Variants in RGS12 observed in about 807,000 individuals in gnomAD.
RGS12 encodes the protein regulator of G-protein signaling 12.
Under a neutral mutation model 120.1 loss-of-function variants are expected in RGS12, and 66 were observed. The observed-to-expected ratio is 0.55, with a 90% CI of 0.45 to 0.67. RGS12 has a LOEUF of 0.67. Among genes scored for constraint, RGS12 ranks in the 30% least tolerant of loss-of-function variants. RGS12 has a pLI of 0.00. For missense variants in RGS12, 1,859 were observed against 1,957.7 expected, an observed-to-expected ratio of 0.95 and a Z score of 0.95; for synonymous variants, 827 against 804.7, an observed-to-expected ratio of 1.03 and a Z score of -0.47.
intron 2 of RGS12, among the ~76,000 whole-genome samples, chr4:3,327,147 T>C (rs1175951399): frequency 1.3e-5 from 2 of 152,192 alleles, no homozygotes; most frequent in African/African-American, 4.8e-5. Flanking sequence ...GCCACATATT[T>C]ACAGCCAAGT....
At chr4:3,438,023 A>G (rs546585668) in intron 17 of RGS12, among the ~76,000 whole-genome samples, 1 of 152,208 alleles carries the variant, frequency 6.6e-6, no homozygotes, top group Non-Finnish European at 1.5e-5. Flanking sequence ...CATTTCAGGG[A>G]CCTCAGAACT....
At position 3,360,284 on chromosome 4, in the gene RGS12, G is replaced by C. The variant is rs1715433722; in HGVS notation, c.1998+17231G>C. On this transcript the variant is annotated intron_variant, in intron 3 of 17. Transcript: ENST00000336727. ...CCTTAGTTCATTGAGCAAAGGATTT[G>C]TCAATTTTGTTGATCCTTTCAAAGA... Among the ~76,000 whole-genome samples the C allele has an allele frequency of 3.3e-5, 5 of 152,138 alleles. No individual in the cohort carries two copies. In the South Asian group the frequency reaches 1.0e-3, roughly 32 times the overall value.
chr4:3,362,808 A>T (rs1265491934), intron 3 of RGS12, among the ~76,000 whole-genome samples: 1 of 130,608 alleles, frequency 7.7e-6, no homozygotes, highest in Non-Finnish European at 1.6e-5. Context: ...TGAATATGAG[A>T]GTGAGGGTGT....
chr4:3,343,196 G>T (rs1249034073), intron 3 of RGS12, 143 bp downstream of exon 3: 3 of 616,638 alleles, frequency 4.9e-6, no homozygotes, highest in South Asian at 3.9e-5. Context: ...TTTTCTGGGG[G>T]ACAGCGTCCC....
chr4:3,376,380 T>C lies in RGS12; in HGVS notation c.1999-10036T>C, dbSNP rs137928483. ...GTGGTGGCTGCTCTGCCAGGCGAGGTTGCACGTGGGAGCTGGGCTGCAGTG... is the reference window on the plus strand; with the variant it reads ...GTGGTGGCTGCTCTGCCAGGCGAGGCTGCACGTGGGAGCTGGGCTGCAGTG... On this transcript the variant is annotated intron_variant, in intron 3 of 17. Coordinates refer to ENST00000336727, the MANE Select transcript of RGS12 (RefSeq NM_001394154.1). 3.7e-3 allele frequency among the ~76,000 whole-genome samples: 558 copies of C among 151,760 alleles called. 5 individuals are homozygous for C. The highest frequency in any genetic ancestry group is 0.013 in the African/African-American group (545 of 41,320).
chr4:3,319,879 G>C (rs115776583), intron 2 of RGS12, among the ~76,000 whole-genome samples: 3 of 152,232 alleles, frequency 2.0e-5, no homozygotes, highest in Non-Finnish European at 4.4e-5. Context: ...TCACTTCTCC[G>C]TGGAGCCTGT....
intron 17 of RGS12, among the ~76,000 whole-genome samples, chr4:3,438,396 G>T (rs923567483): frequency 6.6e-6 from 1 of 151,884 alleles, no homozygotes; most frequent in South Asian, 2.1e-4. Flanking sequence ...TGGGCGGGTC[G>T]GCAACGTCAC....
In RGS12 at chr4:3,430,749, A is replaced by G. The variant is rs755023304; in HGVS notation, c.3908A>G (p.Gln1303Arg). The change falls in exon 17 of 18, where the codon CAG becomes CGG. Residue 1303 changes from glutamine (Q) to arginine (R), a missense_variant. By Grantham distance (43) the Gln-to-Arg change is conservative. Transcript: ENST00000336727. ...CCCAGCGGGCCCTTCTGCACTCCCC[A>G]GTCCCCCGTCTCCCTCGCGCAGGAG... ...KSPSGPFCTPQSPVSLAQEGT... is the reference protein window; with the variant it reads ...KSPSGPFCTPRSPVSLAQEGT... The G allele has an allele frequency of 2.5e-6, 4 of 1,604,286 alleles. No individual in the cohort carries two copies. The highest frequency in any genetic ancestry group is 1.7e-4 in the Middle Eastern group (1 of 6,018).
chr4:3,362,274 C>T (rs991141541), intron 3 of RGS12, among the ~76,000 whole-genome samples: 2 of 152,126 alleles, frequency 1.3e-5, no homozygotes, highest in African/African-American at 4.8e-5. Flanking sequence ...CTGCGAGTGC[C>T]AGGTTGAGGG....
chr4:3,438,244 C>T (rs1245103467), intron 17 of RGS12, among the ~76,000 whole-genome samples: 1 of 151,956 alleles, frequency 6.6e-6, no homozygotes, highest in Non-Finnish European at 1.5e-5. Flanking sequence ...GTCTCAGGGC[C>T]TCAGCCCCAG....
chr4:3,428,665 G>T lies in RGS12; in HGVS notation c.3519G>T (p.Lys1173Asn), dbSNP rs1212500100. 6.3e-6 allele frequency: 10 copies of T among 1,596,660 alleles called. No homozygotes were observed. Among genetic ancestry groups the T allele is most frequent in the Non-Finnish European group, 8.5e-6 (10 of 1,175,570 alleles). Residue 1173 changes from lysine (K) to asparagine (N), a missense_variant, in exon 16 of 18, where the codon AAG becomes AAT. By Grantham distance (94) the Lys-to-Asn change is moderately conservative. Around this residue, in one of 3 missense-constraint regions of RGS12, gnomAD observed 517 missense variants for 488.5 expected, o/e 1.06. Coordinates refer to ENST00000336727, the MANE Select transcript of RGS12 (RefSeq NM_001394154.1). ...RLSKREESIAKIGKKKYQKIN... is the reference protein window; with the variant it reads ...RLSKREESIANIGKKKYQKIN... ...CAAAGAGAGAAGAATCTATTGCAAA[G>T]ATTGGGAAAAAAAAATATCAGAAAA...
rs1724566175 is a variant in RGS12 at position 3,433,814 on chromosome 4, C to G, written c.4114+2859C>G. On this transcript the variant is annotated intron_variant, in intron 17 of 17. Coordinates refer to ENST00000336727, the MANE Select transcript of RGS12 (RefSeq NM_001394154.1). This position sits in a 1 kb window ranked among gnomAD's most constrained non-coding sequence, Gnocchi z 4.4. ...ACCACGCACCGAGACCGAGACCATG[C>G]ACCATGCAGGCTGGCCGGTGCCCCC... is the stretch of plus-strand genomic sequence containing the variant. Among the ~76,000 whole-genome samples, 3 of 152,240 alleles carry G rather than the reference C, an allele frequency of 2.0e-5. No homozygotes were observed. Among genetic ancestry groups the G allele is most frequent in the Admixed American group, 2.0e-4 (3 of 15,278 alleles).
chr4:3,346,863 C>G (rs1022159135), intron 3 of RGS12, among the ~76,000 whole-genome samples: 2 of 152,172 alleles, frequency 1.3e-5, no homozygotes, highest in Non-Finnish European at 2.9e-5. Flanking sequence ...TTTTTACTTA[C>G]CCGCTGTAAG....
chr4:3,384,808 C>CG (rs1718655566), intron 3 of RGS12, among the ~76,000 whole-genome samples: 3 of 152,186 alleles, frequency 2.0e-5, no homozygotes, highest in Non-Finnish European at 4.4e-5. Flanking sequence ...ACAGACTCTG[C>CG]GGGGGAGGAG....
Position 3,383,760 on chromosome 4 carries a change from C to T in RGS12, c.1999-2656C>T, listed in dbSNP as rs576121578. On this transcript the variant is annotated intron_variant, in intron 3 of 17. Transcript: ENST00000336727. ...GCCTCCCAGAGGCTCTGGTCTAGCCCTACGTGCCCGCAGCCTGTGCCCATC... is the reference window on the plus strand; with the variant it reads ...GCCTCCCAGAGGCTCTGGTCTAGCCTTACGTGCCCGCAGCCTGTGCCCATC... Among the ~76,000 whole-genome samples, 3 of 152,334 alleles carry T rather than the reference C, an allele frequency of 2.0e-5. No individual in the cohort carries two copies. The East Asian group carries it at 5.8e-4, about 29-fold the overall frequency.
At chr4:3,353,243 C>G (rs905894414) in intron 3 of RGS12, among the ~76,000 whole-genome samples, 1 of 152,184 alleles carries the variant, frequency 6.6e-6, no homozygotes, top group African/African-American at 2.4e-5. Context: ...CAAACGTACA[C>G]TACTGCCTAG....
At chr4:3,421,082 C>G (rs1722973555) in intron 10 of RGS12, among the ~76,000 whole-genome samples, 1 of 152,172 alleles carries the variant, frequency 6.6e-6, no homozygotes, top group South Asian at 2.1e-4. Flanking sequence ...TCAGGCGCTC[C>G]CTGTCTCAGC....
At chr4:3,426,443 C>T (rs1323572094) in intron 14 of RGS12, among the ~76,000 whole-genome samples, 1 of 152,024 alleles carries the variant, frequency 6.6e-6, no homozygotes, top group African/African-American at 2.4e-5. Flanking sequence ...GCGCCCTTCC[C>T]TCCAGGCACA....
At chr4:3,297,485 G>A (rs151099411) in intron 1 of RGS12, among the ~76,000 whole-genome samples, 76 of 152,266 alleles carry the variant, frequency 5.0e-4, no homozygotes, top group Admixed American at 2.4e-3. Flanking sequence ...TGTCCCACCA[G>A]CCTCCCTGTC....
Sources: allele counts gnomAD v4.1 joint callset (sites outside exome capture counted in the v4.1 genomes callset), GRCh38; gene constraint gnomAD v4.1.1; regional missense constraint gnomAD v4.1.1; non-coding constraint Gnocchi (gnomAD v3.1); transcripts MANE v1.5; gene names NCBI Gene and HGNC (gene_info 2026-07-23, HGNC 2026-07-21).